Variants in PDIA4 observed in about 807,000 individuals in gnomAD.
PDIA4 encodes the protein protein disulfide-isomerase A4.
Under a neutral mutation model 62.1 loss-of-function variants are expected in PDIA4, and 33 were observed. The observed-to-expected ratio is 0.53, with a 90% CI of 0.40 to 0.71. The LOEUF (loss-of-function observed/expected upper bound fraction) is 0.71, where lower values mean the gene tolerates loss of function less well. PDIA4 is among the 30% of genes least tolerant of loss of function. The pLI, the probability that PDIA4 is intolerant of heterozygous loss-of-function variation, is 0.00. For synonymous variants in PDIA4, 341 were observed against 324.1 expected (o/e 1.05, Z -0.56); for missense variants, 804 against 813.6 (o/e 0.99, Z 0.14).
intron 2 of PDIA4, 76 bp from the exon 3 acceptor site, chr7:149,019,273 C>G: frequency 9.3e-7 from 1 of 1,073,842 alleles, no homozygotes. Flanking sequence ...ATACATACCA[C>G]TTTGGTTTGG....
At chr7:149,018,709 G>C (rs10233535) in intron 3 of PDIA4, among the ~76,000 whole-genome samples, 30,591 of 151,992 alleles carry the variant, frequency 0.2, 3,367 homozygotes, top group Middle Eastern at 0.31. Context: ...TGGGGTTACA[G>C]GTGTGAGCCA....
rs140661462 is a variant in PDIA4, at chr7:149,022,355, G to T, written c.89-1208C>A. Among the ~76,000 whole-genome samples, 418 of 152,252 alleles carry T rather than the reference G, an allele frequency of 2.7e-3. 2 individuals carry two copies. Among genetic ancestry groups the T allele is most frequent in the African/African-American group, 9.6e-3 (400 of 41,538 alleles). On this transcript the variant is annotated intron_variant, in intron 1 of 9. Coordinates refer to ENST00000652332, the MANE Select transcript of PDIA4 (RefSeq NM_004911.5). ...GGAAGCTAAGTTTTCTTCCTAGAATGTGAGAAATTGTGTATATTTTATTTT... is the reference window on the plus strand; with the variant it reads ...GGAAGCTAAGTTTTCTTCCTAGAATTTGAGAAATTGTGTATATTTTATTTT...
chr7:149,028,419 G>T lies in PDIA4; in HGVS notation c.-11C>A. 1.3e-6 allele frequency: 2 copies of T among 1,484,284 alleles called. No homozygotes were observed. The highest frequency in any genetic ancestry group is 1.8e-6 in the Non-Finnish European group (2 of 1,116,368). 91.9% of individuals were successfully genotyped at this position (1,484,284 alleles called of 1,614,324 possible). On this transcript the variant is annotated 5_prime_UTR_variant, in exon 1 of 10. Transcript: ENST00000652332. ...TTTCCGGGGCCTCATGGTAGCGGGGGCGGAGCGCGGCCTCCTAGCGTCGGC... is the reference window on the plus strand; with the variant it reads ...TTTCCGGGGCCTCATGGTAGCGGGGTCGGAGCGCGGCCTCCTAGCGTCGGC...
intron 6 of PDIA4, among the ~76,000 whole-genome samples, chr7:149,010,909 G>A (rs1470758618): frequency 6.6e-6 from 1 of 152,198 alleles, no homozygotes; most frequent in Non-Finnish European, 1.5e-5. Flanking sequence ...AGTCAGACTT[G>A]GGGCTACGGA....
At chr7:149,009,660 A>T (rs995083835) in intron 6 of PDIA4, among the ~76,000 whole-genome samples, 6 of 152,170 alleles carry the variant, frequency 3.9e-5, no homozygotes, top group African/African-American at 7.2e-5. Context: ...AGGACTAGAG[A>T]GTGAGTAGTT....
rs560080320 is a variant in PDIA4, at chr7:149,003,756, G to C, written c.*38C>G. On this transcript the variant is annotated 3_prime_UTR_variant, in exon 10 of 10. Coordinates refer to ENST00000652332, the MANE Select transcript of PDIA4 (RefSeq NM_004911.5). ...ACGCCCCGACCATGGGCCACGCAGG[G>C]CGTCTGCCTCCTCCCACCTTCCGCA... 10 of 1,472,324 alleles carry C rather than the reference G, an allele frequency of 6.8e-6. No homozygotes were observed. In the South Asian group the frequency reaches 1.5e-4, roughly 22 times the overall value. The allele number at this position is 1,472,324 out of a possible 1,614,324, so 91.2% of individuals were successfully genotyped here.
At chr7:149,026,446 C>T (rs142764844) in intron 1 of PDIA4, among the ~76,000 whole-genome samples, 3 of 152,202 alleles carry the variant, frequency 2.0e-5, no homozygotes, top group African/African-American at 7.2e-5. Context: ...GTCAGGAGAT[C>T]GAGACCATCC....
chr7:149,026,797 T>C (rs1197572670), intron 1 of PDIA4, among the ~76,000 whole-genome samples: 4 of 126,224 alleles, frequency 3.2e-5, no homozygotes, highest in African/African-American at 6.6e-5. Context: ...TAACCTTATC[T>C]AGGAAAAAAA....
intron 3 of PDIA4, among the ~76,000 whole-genome samples, chr7:149,015,582 A>T (rs1231971984): frequency 1.3e-5 from 2 of 152,012 alleles, no homozygotes; most frequent in African/African-American, 4.8e-5. Context: ...GAAGGCTTTT[A>T]AAAAATGCCC....
chr7:149,012,415 T>A lies in PDIA4; in HGVS notation c.615-55A>T, dbSNP rs2290970. 17 of 1,471,204 alleles carry A rather than the reference T, an allele frequency of 1.2e-5. No individual in the cohort carries two copies. The East Asian group carries it at 3.9e-4, about 34-fold the overall frequency. 91.1% of individuals were successfully genotyped at this position (1,471,204 alleles called of 1,614,324 possible). ...CTCATTCTAGTGTGGACTCACTTTC[T>A]AGCTAAATGAGCTGCAGAAACCCAT... On this transcript the variant is annotated intron_variant, in intron 4 of 9. Coordinates refer to ENST00000652332, the MANE Select transcript of PDIA4 (RefSeq NM_004911.5).
chr7:149,008,858 G>A (rs1285098581), intron 6 of PDIA4, among the ~76,000 whole-genome samples: 1 of 152,182 alleles, frequency 6.6e-6, no homozygotes, highest in Non-Finnish European at 1.5e-5. Context: ...CGGCCACAGT[G>A]GCTCACGCCT....
Position 149,028,479 on chromosome 7 carries a change from C to G in PDIA4, c.-71G>C. On this transcript the variant is annotated 5_prime_UTR_variant, in exon 1 of 10. Transcript: ENST00000652332. ...GCGCACCGAGAACTCGGGGTCTGGCCGACAGCCCGTCGCTCCTTAGCGACG... is the reference window on the plus strand; with the variant it reads ...GCGCACCGAGAACTCGGGGTCTGGCGGACAGCCCGTCGCTCCTTAGCGACG... The G allele has an allele frequency of 1.8e-6, 2 of 1,087,832 alleles. No individual in the cohort carries two copies. Among genetic ancestry groups the G allele is most frequent in the Non-Finnish European group, 2.5e-6 (2 of 796,464 alleles). The allele number at this position is 1,087,832 out of a possible 1,614,324, so 67.4% of individuals were successfully genotyped here. A position where few individuals can be genotyped will look rare whatever the true frequency, so the allele number is the denominator to read the frequency against.
chr7:149,010,910 G>A (rs1823923249), intron 6 of PDIA4, among the ~76,000 whole-genome samples: 1 of 152,178 alleles, frequency 6.6e-6, no homozygotes, highest in Admixed American at 6.5e-5. Context: ...GTCAGACTTG[G>A]GGCTACGGAA....
At chr7:149,021,345 C>T (rs780590155) in intron 1 of PDIA4, among the ~76,000 whole-genome samples, 198 bp from the exon 2 acceptor site, 11 of 151,808 alleles carry the variant, frequency 7.2e-5, no homozygotes, top group Admixed American at 1.3e-4. Context: ...AAAAATTAGC[C>T]GGGCATGGTG....
At chr7:149,027,564 T>A (rs1359103529) in intron 1 of PDIA4, among the ~76,000 whole-genome samples, 1 of 152,204 alleles carries the variant, frequency 6.6e-6, no homozygotes, top group Non-Finnish European at 1.5e-5. Context: ...TAACAACTTT[T>A]CCTTAATTAG....
chr7:149,014,555 C>T (rs1257048478), intron 4 of PDIA4, among the ~76,000 whole-genome samples: 1 of 152,066 alleles, frequency 6.6e-6, no homozygotes, highest in Non-Finnish European at 1.5e-5. Flanking sequence ...TTGTGCGTCC[C>T]TCCCCTCCCC....
chr7:149,008,075 G>A (rs1245522976), intron 7 of PDIA4, 84 bp downstream of exon 7: 72 of 1,331,060 alleles, frequency 5.4e-5, no homozygotes, highest in African/African-American at 1.0e-4. Flanking sequence ...AAACCTCCAC[G>A]TTTGAAACCT....
At position 149,005,311 on chromosome 7, in the gene PDIA4, G is replaced by A; in HGVS notation, c.1352C>T (p.Ala451Val). The part of the protein sequence containing the change: ...VAKDFPEYTF[A>V]IADEEDYAGE... ...AGCATAGTCCTCTTCGTCCGCAATGGCAAAGGTGTACTCAGGGAAGTCCTT... is the reference window on the plus strand; with the variant it reads ...AGCATAGTCCTCTTCGTCCGCAATGACAAAGGTGTACTCAGGGAAGTCCTT... The change falls in exon 9 of 10, where the codon GCC becomes GTC. Residue 451 changes from alanine to valine, a missense_variant. Transcript: ENST00000652332. The A allele has an allele frequency of 3.1e-6, 5 of 1,614,092 alleles. No individual in the cohort carries two copies. The highest frequency in any genetic ancestry group is 4.2e-6 in the Non-Finnish European group (5 of 1,180,010).
intron 6 of PDIA4, among the ~76,000 whole-genome samples, chr7:149,011,394 C>A (rs1235546083): frequency 6.6e-6 from 1 of 152,232 alleles, no homozygotes; most frequent in Non-Finnish European, 1.5e-5. Context: ...TTAGCATTAT[C>A]AAGTACATTG....
Sources: allele counts gnomAD v4.1 joint callset (sites outside exome capture counted in the v4.1 genomes callset), GRCh38; gene constraint gnomAD v4.1.1; transcripts MANE v1.5; gene names NCBI Gene and HGNC (gene_info 2026-07-23, HGNC 2026-07-21).